The following ANKIB1 variants were observed in gnomAD, a reference collection of about 807,000 sequenced individuals.
ANKIB1 encodes the protein ankyrin repeat and IBR domain containing 1, also known as ankyrin repeat and IBR domain-containing protein 1.
Under a neutral mutation model 122.1 loss-of-function variants are expected in ANKIB1, and 43 were observed. The observed-to-expected ratio is 0.35, with a 90% confidence interval of 0.28 to 0.45. ANKIB1 has a LOEUF of 0.45. ANKIB1 is among the 20% of genes least tolerant of loss of function. The pLI, the probability that ANKIB1 is intolerant of heterozygous loss-of-function variation, is 1.00. For missense variants in ANKIB1, 992 were observed against 1,329.5 expected, an observed-to-expected ratio of 0.75 and a Z score of 3.95; for synonymous variants, 390 against 442.0, an observed-to-expected ratio of 0.88 and a Z score of 1.48.
At chr7:92,395,123 C>T (rs183821934) in intron 17 of ANKIB1, among the ~76,000 whole-genome samples, 176 of 152,238 alleles carry the variant, frequency 1.2e-3, no homozygotes, top group African/African-American at 4.0e-3. Flanking sequence ...CTCTTCTCTT[C>T]CCTTCTCTTT....
chr7:92,392,365 T>A, intron 17 of ANKIB1, 73 bp downstream of exon 17: 1 of 1,324,308 alleles, frequency 7.6e-7, no homozygotes, highest in Non-Finnish European at 1.1e-6. Context: ...CATCCTTATC[T>A]ATTCTAAATC....
intron 1 of ANKIB1, among the ~76,000 whole-genome samples, chr7:92,255,180 T>C (rs1333324657): frequency 1.3e-5 from 2 of 152,238 alleles, no homozygotes; most frequent in Admixed American, 1.3e-4. Flanking sequence ...AATGGACTAA[T>C]AGAATCATCT....
At chr7:92,259,337 C>G (rs1048127637) in intron 1 of ANKIB1, among the ~76,000 whole-genome samples, 1 of 152,176 alleles carries the variant, frequency 6.6e-6, no homozygotes, top group Admixed American at 6.5e-5. Context: ...ATTTGACTTT[C>G]TCCATGGTTC....
chr7:92,247,287 A>G (rs1242090719), intron 1 of ANKIB1, among the ~76,000 whole-genome samples: 2 of 152,208 alleles, frequency 1.3e-5, no homozygotes, highest in Admixed American at 6.5e-5. Context: ...TTTAAATTTT[A>G]GTGTTCTAAT....
At chr7:92,367,643 T>C (rs183095587) in intron 10 of ANKIB1, among the ~76,000 whole-genome samples, 1 of 152,334 alleles carries the variant, frequency 6.6e-6, no homozygotes, top group Admixed American at 6.5e-5. Context: ...GAGAAAAAAG[T>C]ATTAGAAAAT....
intron 1 of ANKIB1, among the ~76,000 whole-genome samples, chr7:92,249,907 T>C (rs1201914433): frequency 6.6e-6 from 1 of 152,132 alleles, no homozygotes; most frequent in Admixed American, 6.5e-5. Context: ...ATTTTAATAA[T>C]AAAAAGCCAT....
intron 10 of ANKIB1, among the ~76,000 whole-genome samples, chr7:92,369,476 T>C (rs1804183010): frequency 6.6e-6 from 1 of 152,208 alleles, no homozygotes; most frequent in African/African-American, 2.4e-5. Flanking sequence ...GCTTCTCTGC[T>C]TCTGGTGCTC....
At chr7:92,248,609 G>C (rs940014921) in intron 1 of ANKIB1, among the ~76,000 whole-genome samples, 1 of 152,112 alleles carries the variant, frequency 6.6e-6, no homozygotes, top group African/African-American at 2.4e-5. Context: ...CCCCATTGAG[G>C]ATGCATATGA....
At chr7:92,322,472 C>T (rs1802932791) in intron 4 of ANKIB1, among the ~76,000 whole-genome samples, 2 of 151,968 alleles carry the variant, frequency 1.3e-5, no homozygotes, top group African/African-American at 4.8e-5. Context: ...TGTCTATTTT[C>T]ATGCATTTCC....
chr7:92,312,407 A>T (rs1347685285), intron 3 of ANKIB1, among the ~76,000 whole-genome samples: 8 of 152,158 alleles, frequency 5.3e-5, no homozygotes, highest in Non-Finnish European at 4.4e-5. Flanking sequence ...TATTCCAAAA[A>T]TTATTTACAG....
At chr7:92,362,658 A>G (rs1483046246) in intron 10 of ANKIB1, among the ~76,000 whole-genome samples, 1 of 152,226 alleles carries the variant, frequency 6.6e-6, no homozygotes, top group East Asian at 1.9e-4. Context: ...GAAAGCTTCC[A>G]ATGAAGGATG....
At chr7:92,347,492 C>T (rs1021706827) in intron 7 of ANKIB1, among the ~76,000 whole-genome samples, 5 of 152,094 alleles carry the variant, frequency 3.3e-5, no homozygotes, top group African/African-American at 1.2e-4. Context: ...GTAGTCCTAG[C>T]TACTTGGGCA....
At chr7:92,304,351 A>T (rs1366225329) in intron 2 of ANKIB1, among the ~76,000 whole-genome samples, 1 of 152,318 alleles carries the variant, frequency 6.6e-6, no homozygotes, top group South Asian at 2.1e-4. Flanking sequence ...TCAGAATAAT[A>T]CACTCTCTGT....
In ANKIB1 at chr7:92,400,176, A is replaced by G. The variant is rs1248571229; in HGVS notation, c.*1227A>G. ...AACTATAACAACTAAATGTTCAATC[A>G]GTTTGTTTGCCTAACTAGCAAATGC... is the stretch of plus-strand genomic sequence containing the variant. On this transcript the variant is annotated 3_prime_UTR_variant, in exon 20 of 20. Transcript: ENST00000265742. The G allele has an allele frequency of 6.6e-6, 1 of 152,200 alleles. No individual in the cohort carries two copies. The highest frequency in any genetic ancestry group is 1.5e-5 in the Non-Finnish European group (1 of 68,028). The allele number at this position is 152,200 out of a possible 1,614,324, so 9.4% of individuals were successfully genotyped here. A position where few individuals can be genotyped will look rare whatever the true frequency, so the allele number is the denominator to read the frequency against.
chr7:92,387,757 C>T, intron 12 of ANKIB1, 41 bp from the exon 13 acceptor site: 1 of 1,486,798 alleles, frequency 6.7e-7, no homozygotes, highest in Non-Finnish European at 9.2e-7. Context: ...TTAGTAGCTA[C>T]TAGTTTTTAT....
intron 3 of ANKIB1, 28 bp from the exon 4 acceptor site, chr7:92,319,302 G>C (rs1431667176): frequency 6.9e-7 from 1 of 1,452,972 alleles, no homozygotes; most frequent in Admixed American, 2.3e-5. Context: ...ACCTGTAGTT[G>C]CAAGTTTTTG....
intron 1 of ANKIB1, among the ~76,000 whole-genome samples, chr7:92,273,110 C>T (rs769345840): frequency 1.2e-3 from 177 of 151,804 alleles, no homozygotes; most frequent in Non-Finnish European, 2.0e-3. Context: ...CCCGTAAGTG[C>T]AAAAAAGATA....
intron 9 of ANKIB1, among the ~76,000 whole-genome samples, chr7:92,358,428 G>A (rs1803871681): frequency 6.6e-6 from 1 of 152,120 alleles, no homozygotes; most frequent in African/African-American, 2.4e-5. Context: ...CAGCAAGTCT[G>A]TGTCCTCCTG....
chr7:92,392,969 AT>A (rs1432792406), intron 17 of ANKIB1, among the ~76,000 whole-genome samples: 1 of 152,056 alleles, frequency 6.6e-6, no homozygotes, highest in African/African-American at 2.4e-5. Context: ...GTTGAGTCTG[AT>A]TTTAAAATGG....
Sources: allele counts gnomAD v4.1 joint callset (sites outside exome capture counted in the v4.1 genomes callset), GRCh38; gene constraint gnomAD v4.1.1; transcripts MANE v1.5; gene names NCBI Gene and HGNC (gene_info 2026-07-23, HGNC 2026-07-21).